The following TG variants were observed in gnomAD, a reference collection of about 807,000 sequenced individuals.
TG encodes the protein thyroglobulin, also known as thyroid hormones.
TG carries 270 observed loss-of-function variants against 324.7 expected under a neutral mutation model. That is an observed-to-expected ratio of 0.83 (90% CI 0.75 to 0.92). The LOEUF is 0.92. TG is among the 40% of genes least tolerant of loss of function. The probability of loss-of-function intolerance (pLI) is 0.00; values close to 1 mark genes in which losing one functional copy is unlikely to be tolerated. For synonymous variants in TG, 1,401 were observed against 1,327.0 expected, an observed-to-expected ratio of 1.06 and a Z score of -1.21; for missense variants, 3,591 against 3,456.4, an observed-to-expected ratio of 1.04 and a Z score of -0.98.
At chr8:133,085,354 G>A (rs909581952) in intron 41 of TG, among the ~76,000 whole-genome samples, 1 of 152,004 alleles carries the variant, frequency 6.6e-6, no homozygotes, top group African/African-American at 2.4e-5. Context: ...TAGATACATC[G>A]GATTTCATCA....
chr8:132,917,043 CTCCTTCCTTCCT>C (rs1268389871), intron 20 of TG, among the ~76,000 whole-genome samples: 19 of 48,844 alleles, frequency 3.9e-4, no homozygotes, highest in Middle Eastern at 0.01. Context: ...CCCTCCCTCC[CTCCTTCCTTCCT>C]TCCTTCCTTC....
At chr8:132,900,210 A>T (rs1291693185) in intron 14 of TG, 27 bp from the exon 15 acceptor site, 8 of 1,607,678 alleles carry the variant, frequency 5.0e-6, no homozygotes, top group Non-Finnish European at 6.8e-6. Context: ...GCCCACAGTG[A>T]CTGACATGAC....
chr8:132,964,899 G>C (rs927891661), intron 29 of TG: 10 of 702,144 alleles, frequency 1.4e-5, no homozygotes, highest in Middle Eastern at 4.6e-4. Context: ...AAGGTTTCTC[G>C]GAGGAGGCCA....
At chr8:133,096,099 CA>C in intron 42 of TG, 106 bp from the exon 43 acceptor site, 1 of 1,398,202 alleles carries the variant, frequency 7.2e-7, no homozygotes, top group Non-Finnish European at 1.0e-6. Context: ...TCAGTAGAGT[CA>C]TAGATGGATA....
At chr8:133,018,675 G>A (rs1035246475) in intron 38 of TG, among the ~76,000 whole-genome samples, 1 of 151,866 alleles carries the variant, frequency 6.6e-6, no homozygotes, top group Admixed American at 6.6e-5. Flanking sequence ...AAGCATACTC[G>A]GAGTATCTGT....
intron 20 of TG, among the ~76,000 whole-genome samples, chr8:132,917,889 A>ATATTTTTTT (rs528246451): frequency 7.2e-6 from 1 of 138,766 alleles, no homozygotes; most frequent in Non-Finnish European, 1.5e-5. Context: ...GGTTTTTGCA[A>ATATTTTTTT]TTTTTTTTTT....
At position 133,131,964 on chromosome 8, in the gene TG, G is replaced by C. The variant is rs778272932; in HGVS notation, c.7997+18G>C. 16 of 1,613,734 alleles carry C rather than the reference G, an allele frequency of 9.9e-6. No individual in the cohort carries two copies. The highest frequency in any genetic ancestry group is 1.4e-5 in the Non-Finnish European group (16 of 1,179,946). On this transcript the variant is annotated intron_variant, in intron 46 of 47. Transcript: ENST00000220616. ...AGATCAGGGTAATTTTGGACCACTT[G>C]TTCAGAATTCTGTCACTGTGCTTTT...
chr8:133,056,258 A>G (rs1182953891), intron 41 of TG, among the ~76,000 whole-genome samples: 1 of 152,206 alleles, frequency 6.6e-6, no homozygotes, highest in East Asian at 1.9e-4. Context: ...ATGTTCATCA[A>G]TGTACAATTA....
chr8:132,908,128 C>A lies in TG; in HGVS notation c.3848-58C>A, dbSNP rs1818947393. ...TTATTTTTGCAGAGGAAATCCCAAA[C>A]AAAGAAAATAACTCTACAGGCCCAT... On this transcript the variant is annotated intron_variant, in intron 17 of 47. Coordinates refer to ENST00000220616, the MANE Select transcript of TG (RefSeq NM_003235.5). 3 of 1,601,678 alleles carry A rather than the reference C, an allele frequency of 1.9e-6. No homozygotes were observed. The African/African-American group carries it at 4.0e-5, about 21-fold the overall frequency.
chr8:133,017,653 G>T, intron 37 of TG, 125 bp from the exon 38 acceptor site: 1 of 920,436 alleles, frequency 1.1e-6, no homozygotes. Flanking sequence ...ATGAATGATT[G>T]ACATTTTCAA....
intron 10 of TG, among the ~76,000 whole-genome samples, chr8:132,888,856 A>G (rs774718426): frequency 2.0e-5 from 3 of 152,230 alleles, no homozygotes; most frequent in Non-Finnish European, 2.9e-5. Flanking sequence ...GTGTGCAAGC[A>G]TCTTCATCTT....
At chr8:132,972,454 G>A (rs1829657457) in intron 33 of TG, 144 bp from the exon 34 acceptor site, 1 of 953,484 alleles carries the variant, frequency 1.0e-6, no homozygotes, top group Non-Finnish European at 1.6e-6. Context: ...TTTCAGCAGT[G>A]GCTGAGATAG....
chr8:132,869,968 C>T, intron 3 of TG, 142 bp downstream of exon 3: 1 of 694,870 alleles, frequency 1.4e-6, no homozygotes, highest in East Asian at 2.7e-5. Flanking sequence ...AGAATCATCC[C>T]TGCAAGCCAT....
intron 26 of TG, among the ~76,000 whole-genome samples, chr8:132,948,202 A>G (rs1390768317): frequency 6.6e-6 from 1 of 151,864 alleles, no homozygotes; most frequent in African/African-American, 2.4e-5. Context: ...AAAGTTTCTT[A>G]CTTTGAATCT....
intron 44 of TG, among the ~76,000 whole-genome samples, chr8:133,116,053 A>G (rs545119137): frequency 6.1e-4 from 93 of 151,914 alleles, no homozygotes; most frequent in African/African-American, 2.2e-3. Flanking sequence ...GACAACCAGG[A>G]ATGTCTCCAA....
intron 34 of TG, among the ~76,000 whole-genome samples, chr8:132,978,239 C>T (rs755368655): frequency 6.6e-6 from 1 of 152,172 alleles, no homozygotes; most frequent in African/African-American, 2.4e-5. Context: ...AGAGAGGGAA[C>T]AAGAGAGGAG....
intron 41 of TG, among the ~76,000 whole-genome samples, chr8:133,083,962 G>A (rs1846120729): frequency 6.6e-6 from 1 of 152,150 alleles, no homozygotes; most frequent in African/African-American, 2.4e-5. Flanking sequence ...CATGCCTCCT[G>A]TGGCACTGTC....
At chr8:133,003,081 C>T (rs950213597) in intron 35 of TG, 8 of 1,050,770 alleles carry the variant, frequency 7.6e-6, no homozygotes, top group South Asian at 3.4e-5. Flanking sequence ...GTCATTTTGG[C>T]GAATTACTGG....
intron 41 of TG, chr8:133,073,019 T>C (rs540506166): frequency 6.6e-6 from 1 of 152,368 alleles, no homozygotes; most frequent in Admixed American, 6.5e-5. Context: ...TTAGAAATGA[T>C]ACCAATAGCT....
Sources: gnomAD v4.1 joint callset for allele counts (sites outside exome capture counted in the v4.1 genomes callset) on GRCh38, gnomAD v4.1.1 for gene constraint, MANE v1.5 for transcripts, NCBI Gene and HGNC (gene_info 2026-07-23, HGNC 2026-07-21) for gene names.